QTMAN: variants seen among roughly 807,000 people sequenced by gnomAD.
QTMAN encodes the protein queuosine-tRNA mannosyltransferase, also known as tRNA-queuosine alpha-mannosyltransferase.
At chr2:144,199,886 TC>T in the QTMAN span, among the ~76,000 whole-genome samples, 2 of 152,166 alleles carry the variant, frequency 1.3e-5, no homozygotes, top group Admixed American at 1.3e-4. Context: ...ATACTAATAC[TC>T]CAAAGTGATT....
the QTMAN span, chr2:143,952,833 C>T: frequency 1.9e-5 from 31 of 1,604,156 alleles, no homozygotes; most frequent in Non-Finnish European, 2.6e-5. Context: ...CCACAGTACA[C>T]AGCTTCCAAC....
the QTMAN span, among the ~76,000 whole-genome samples, chr2:144,329,265 A>T: frequency 6.6e-6 from 1 of 151,972 alleles, no homozygotes; most frequent in Non-Finnish European, 1.5e-5. Flanking sequence ...AATAAAAAAC[A>T]TGCTATTATT....
At chr2:143,995,078 G>T in the QTMAN span, among the ~76,000 whole-genome samples, 1 of 152,180 alleles carries the variant, frequency 6.6e-6, no homozygotes, top group Non-Finnish European at 1.5e-5. Flanking sequence ...TACAGTGTGG[G>T]TGCTTGATGT....
At chr2:143,981,024 CTTACT>C in the QTMAN span, among the ~76,000 whole-genome samples, 2 of 152,216 alleles carry the variant, frequency 1.3e-5, no homozygotes, top group Admixed American at 6.5e-5. Flanking sequence ...TTGTCCACTA[CTTACT>C]TTAAATTTGT....
the QTMAN span, among the ~76,000 whole-genome samples, chr2:144,187,900 C>T: frequency 6.6e-6 from 1 of 152,154 alleles, no homozygotes. Context: ...GCCCTAAATC[C>T]AATGATGTTT....
chr2:144,016,957 T>G, the QTMAN span, among the ~76,000 whole-genome samples: 2 of 151,910 alleles, frequency 1.3e-5, no homozygotes, highest in Admixed American at 1.3e-4. Context: ...CGAGAAAATT[T>G]GGGGAATAAA....
chr2:144,271,735 T>C, the QTMAN span, among the ~76,000 whole-genome samples: 1 of 152,094 alleles, frequency 6.6e-6, no homozygotes, highest in East Asian at 1.9e-4. Flanking sequence ...TCCCTCAATC[T>C]CTACCAGTTT....
the QTMAN span, among the ~76,000 whole-genome samples, chr2:144,284,809 G>A: frequency 6.6e-6 from 1 of 152,128 alleles, no homozygotes; most frequent in African/African-American, 2.4e-5. Flanking sequence ...GTGGAGTGAG[G>A]ACTGCTTGAG....
At chr2:144,242,117 T>C in the QTMAN span, among the ~76,000 whole-genome samples, 1 of 151,940 alleles carries the variant, frequency 6.6e-6, no homozygotes, top group Non-Finnish European at 1.5e-5. Context: ...TATAGCACAA[T>C]AGAAAATAAA....
chr2:144,147,524 C>A, the QTMAN span, among the ~76,000 whole-genome samples: 1 of 151,718 alleles, frequency 6.6e-6, no homozygotes, highest in African/African-American at 2.4e-5. Context: ...AAAGGGAATA[C>A]ATGGCAACTT....
At chr2:144,074,319 T>C in the QTMAN span, among the ~76,000 whole-genome samples, 1 of 152,224 alleles carries the variant, frequency 6.6e-6, no homozygotes, top group Non-Finnish European at 1.5e-5. Flanking sequence ...GTAATTTACA[T>C]GAAGATTTTT....
the QTMAN span, among the ~76,000 whole-genome samples, chr2:144,255,108 C>A: frequency 6.6e-6 from 1 of 152,140 alleles, no homozygotes. Flanking sequence ...ATGGAATGAG[C>A]TAAGACTTTG....
At chr2:144,329,929 A>G in the QTMAN span, among the ~76,000 whole-genome samples, 1 of 152,214 alleles carries the variant, frequency 6.6e-6, no homozygotes, top group East Asian at 1.9e-4. Context: ...GACATAGCCG[A>G]ACTTTCACGA....
At chr2:144,161,928 G>T in the QTMAN span, among the ~76,000 whole-genome samples, 1 of 152,164 alleles carries the variant, frequency 6.6e-6, no homozygotes, top group Admixed American at 6.5e-5. Flanking sequence ...TGCATTGATG[G>T]ACTCTTATTT....
chr2:144,035,669 G>A, the QTMAN span, among the ~76,000 whole-genome samples: 1 of 152,130 alleles, frequency 6.6e-6, no homozygotes, highest in African/African-American at 2.4e-5. Flanking sequence ...GCACACATCT[G>A]TCAAGTTTCA....
At chr2:144,077,581 T>C in the QTMAN span, among the ~76,000 whole-genome samples, 2 of 152,230 alleles carry the variant, frequency 1.3e-5, no homozygotes, top group African/African-American at 4.8e-5. Context: ...TGTTTATAAA[T>C]CAGCAATTGC....
At chr2:144,278,606 G>T in the QTMAN span, among the ~76,000 whole-genome samples, 1 of 148,244 alleles carries the variant, frequency 6.7e-6, no homozygotes, top group Non-Finnish European at 1.5e-5. Flanking sequence ...TGCACACCTC[G>T]TGACTTCTGG....
chr2:144,104,039 A>T, the QTMAN span, among the ~76,000 whole-genome samples: 1 of 152,192 alleles, frequency 6.6e-6, no homozygotes, highest in Non-Finnish European at 1.5e-5. Flanking sequence ...GCAGTGAGCC[A>T]AGACAGCACC....
At chr2:143,986,425 A>G in the QTMAN span, among the ~76,000 whole-genome samples, 1 of 152,220 alleles carries the variant, frequency 6.6e-6, no homozygotes, top group African/African-American at 2.4e-5. Context: ...CCCTCAAGGA[A>G]TCTAAATTCT....
Sources: allele counts gnomAD v4.1 joint callset (sites outside exome capture counted in the v4.1 genomes callset), GRCh38; gene constraint gnomAD v4.1.1; transcripts MANE v1.5; gene names NCBI Gene and HGNC (gene_info 2026-07-23, HGNC 2026-07-21).